UGCG: variants seen among roughly 807,000 people sequenced by gnomAD.
UGCG encodes the protein ceramide glucosyltransferase.
In UGCG, 10 loss-of-function variants were observed where a neutral mutation model predicts 49.5. That is an observed-to-expected ratio of 0.20 (90% confidence interval 0.12 to 0.34). UGCG has a LOEUF of 0.34. Among genes scored for constraint, UGCG ranks in the 10% least tolerant of loss-of-function variants. The pLI, the probability that UGCG is intolerant of heterozygous loss-of-function variation, is 1.00. For missense variants in UGCG, 312 were observed against 483.7 expected, an observed-to-expected ratio of 0.65 and a Z score of 3.33; for synonymous variants, 182 against 158.2, an observed-to-expected ratio of 1.15 and a Z score of -1.13.
intron 1 of UGCG, among the ~76,000 whole-genome samples, chr9:111,908,328 A>G (rs887468367): frequency 2.6e-5 from 4 of 152,252 alleles, no homozygotes; most frequent in African/African-American, 4.8e-5. Flanking sequence ...GAGGCCAGAC[A>G]GGAAAGATAC....
chr9:111,906,699 G>A (rs1339362189), intron 1 of UGCG, among the ~76,000 whole-genome samples: 1 of 152,164 alleles, frequency 6.6e-6, no homozygotes, highest in African/African-American at 2.4e-5. Flanking sequence ...CAAATTGGCT[G>A]GGATTACAGG....
At chr9:111,915,783 A>G in intron 2 of UGCG, 4 of 985,270 alleles carry the variant, frequency 4.1e-6, no homozygotes, top group Non-Finnish European at 4.8e-6. Flanking sequence ...GGTAGCACCA[A>G]TGAAAAGAAT....
At chr9:111,913,168 A>C (rs1240139551) in intron 1 of UGCG, among the ~76,000 whole-genome samples, 1 of 152,248 alleles carries the variant, frequency 6.6e-6, no homozygotes, top group Non-Finnish European at 1.5e-5. Context: ...GCCTGGCAGC[A>C]ATTGTAAGGT....
rs76408054 is a variant in UGCG, at chr9:111,902,279, C to T, written c.98+4966C>T. On this transcript the variant is annotated intron_variant, in intron 1 of 8. Transcript: ENST00000374279. ...TCTATAGTGTAGTAAGCCCATTGTC[C>T]AGTGGGCAGAGTTTGTGTTTTCCTA... 2.9e-4 allele frequency among the ~76,000 whole-genome samples: 44 copies of T among 152,270 alleles called. 1 individual carries two copies. The East Asian group carries it at 8.3e-3, about 29-fold the overall frequency.
At chr9:111,929,439 C>G in intron 5 of UGCG, 61 bp from the exon 6 acceptor site, 1 of 1,531,274 alleles carries the variant, frequency 6.5e-7, no homozygotes. Context: ...AAAAACAGTT[C>G]GTGAACACCA....
chr9:111,917,292 A>G (rs1288447485), intron 2 of UGCG, among the ~76,000 whole-genome samples: 2 of 152,236 alleles, frequency 1.3e-5, no homozygotes. Flanking sequence ...GAAATATTTG[A>G]TTTCACAGCA....
chr9:111,897,166 T>A lies in UGCG; in HGVS notation c.-50T>A. The A allele has an allele frequency of 6.7e-7, 1 of 1,500,234 alleles. No homozygotes were observed. The highest frequency in any genetic ancestry group is 9.0e-7 in the Non-Finnish European group (1 of 1,116,758). 92.9% of individuals were successfully genotyped at this position (1,500,234 alleles called of 1,614,324 possible). A position where few individuals can be genotyped will look rare whatever the true frequency, so the allele number is the denominator to read the frequency against. On this transcript the variant is annotated 5_prime_UTR_variant, in exon 1 of 9. Transcript: ENST00000374279. Reference sequence around the variant, plus strand: ...CCCTGTCCTCCTCCTGCGGGAGCGTTGTCCGTGTTGGCGGCCGCAGCGGGC... The same window carrying A: ...CCCTGTCCTCCTCCTGCGGGAGCGTAGTCCGTGTTGGCGGCCGCAGCGGGC...
intron 2 of UGCG, among the ~76,000 whole-genome samples, chr9:111,917,806 G>A (rs1054129832): frequency 6.6e-6 from 1 of 152,140 alleles, no homozygotes; most frequent in Non-Finnish European, 1.5e-5. Context: ...AGAATGAAAA[G>A]GTGATGCAGT....
At chr9:111,900,785 G>A (rs1461398717) in intron 1 of UGCG, among the ~76,000 whole-genome samples, 2 of 152,098 alleles carry the variant, frequency 1.3e-5, no homozygotes, top group Non-Finnish European at 2.9e-5. Context: ...GAGCCATCAT[G>A]CCTGGCCCCC....
intron 1 of UGCG, among the ~76,000 whole-genome samples, chr9:111,903,892 C>T (rs77066821): frequency 0.019 from 2,834 of 152,284 alleles, 36 homozygotes; most frequent in Non-Finnish European, 0.029. Flanking sequence ...ATTCTTCAGT[C>T]ACCCAGTCTT....
At chr9:111,899,087 T>C (rs1312583251) in intron 1 of UGCG, among the ~76,000 whole-genome samples, 1 of 152,136 alleles carries the variant, frequency 6.6e-6, no homozygotes, top group East Asian at 1.9e-4. Context: ...GTTTACCAGG[T>C]ACCAAGATTT....
At chr9:111,917,347 C>T (rs535410170) in intron 2 of UGCG, among the ~76,000 whole-genome samples, 41 of 152,332 alleles carry the variant, frequency 2.7e-4, no homozygotes, top group Non-Finnish European at 3.2e-4. Context: ...AAATGTTCCA[C>T]AGGAGACTAA....
chr9:111,924,673 A>G (rs1469885633), intron 3 of UGCG, 104 bp from the exon 4 acceptor site: 2 of 444,182 alleles, frequency 4.5e-6, no homozygotes, highest in Non-Finnish European at 7.7e-6. Context: ...AGTATGTTTA[A>G]TTATTAAATA....
chr9:111,926,217 T>G (rs1254039173), intron 4 of UGCG, among the ~76,000 whole-genome samples, 167 bp from the exon 5 acceptor site: 1 of 152,236 alleles, frequency 6.6e-6, no homozygotes, highest in Non-Finnish European at 1.5e-5. Flanking sequence ...TTTTGTATTC[T>G]CCTCAGAAAG....
chr9:111,897,208 G>C lies in UGCG; in HGVS notation c.-8G>C. 6.5e-7 allele frequency: 1 copy of C among 1,543,890 alleles called. No homozygotes were observed. The highest frequency in any genetic ancestry group is 2.5e-5 in the East Asian group (1 of 40,752). On this transcript the variant is annotated 5_prime_UTR_variant, in exon 1 of 9. Coordinates refer to ENST00000374279, the MANE Select transcript of UGCG (RefSeq NM_003358.3). Reference sequence around the variant, plus strand: ...GCAGCGGGCCGGGCCGGTCCGGCGGGCCGGGGGATGGCGCTGCTGGACCTG... The same window carrying C: ...GCAGCGGGCCGGGCCGGTCCGGCGGCCCGGGGGATGGCGCTGCTGGACCTG...
intron 8 of UGCG, 102 bp from the exon 9 acceptor site, chr9:111,932,725 A>G: frequency 1.8e-6 from 2 of 1,122,984 alleles, no homozygotes; most frequent in Non-Finnish European, 2.5e-6. Flanking sequence ...ACTTGATTTT[A>G]CATAGTATAC....
intron 1 of UGCG, among the ~76,000 whole-genome samples, chr9:111,905,525 G>A (rs1441005098): frequency 6.6e-6 from 1 of 150,720 alleles, no homozygotes; most frequent in Non-Finnish European, 1.5e-5. Flanking sequence ...GCACAATCTT[G>A]GCTCACTGCA....
At chr9:111,901,055 A>AT (rs959668241) in intron 1 of UGCG, among the ~76,000 whole-genome samples, 17 of 152,002 alleles carry the variant, frequency 1.1e-4, no homozygotes, top group African/African-American at 4.1e-4. Context: ...GGCTCAAGTG[A>AT]TCCCCCCACC....
intron 1 of UGCG, among the ~76,000 whole-genome samples, chr9:111,898,395 T>G (rs72756235): frequency 0.096 from 12,722 of 132,008 alleles, 873 homozygotes; most frequent in African/African-American, 0.22. Flanking sequence ...AGTTTTTTGG[T>G]TTTTTTTTTT....
Sources: gnomAD v4.1 joint callset for allele counts (sites outside exome capture counted in the v4.1 genomes callset) on GRCh38, gnomAD v4.1.1 for gene constraint, MANE v1.5 for transcripts, NCBI Gene and HGNC (gene_info 2026-07-23, HGNC 2026-07-21) for gene names.